GLRA3: variants seen among roughly 807,000 people sequenced by gnomAD.
GLRA3 encodes glycine receptor alpha 3.
GLRA3 carries 44 observed loss-of-function variants against 60.4 expected under a neutral mutation model. The ratio of observed to expected loss-of-function variants is 0.73; its 90% CI spans 0.57 to 0.94. The LOEUF is 0.94. GLRA3 is among the 40% of genes least tolerant of loss of function. The probability of loss-of-function intolerance (pLI) is 0.00; values close to 1 mark genes in which losing one functional copy is unlikely to be tolerated. For missense variants in GLRA3, 508 were observed against 564.6 expected, an observed-to-expected ratio of 0.90 and a Z score of 1.02; for synonymous variants, 223 against 192.9, an observed-to-expected ratio of 1.16 and a Z score of -1.29.
chr4:174,724,113 T>C (rs1323521096), intron 4 of GLRA3, among the ~76,000 whole-genome samples: 1 of 151,488 alleles, frequency 6.6e-6, no homozygotes, highest in Non-Finnish European at 1.5e-5. Context: ...ACAAAACATT[T>C]TTCTTGAACT....
intron 1 of GLRA3, among the ~76,000 whole-genome samples, chr4:174,789,775 C>G (rs1482695840): frequency 6.6e-6 from 1 of 152,148 alleles, no homozygotes. Context: ...TCTTTTTATC[C>G]ACAGAGTTTT....
chr4:174,664,138 G>A (rs370860790), intron 7 of GLRA3, among the ~76,000 whole-genome samples: 3 of 152,060 alleles, frequency 2.0e-5, no homozygotes, highest in African/African-American at 4.8e-5. Context: ...CCACCCCATC[G>A]GCTTTGTGGA....
At chr4:174,723,471 C>T (rs1579507911) in intron 4 of GLRA3, among the ~76,000 whole-genome samples, 2 of 152,032 alleles carry the variant, frequency 1.3e-5, no homozygotes, top group Non-Finnish European at 2.9e-5. Context: ...TGACTTTCTC[C>T]AACTCCAATA....
intron 5 of GLRA3, among the ~76,000 whole-genome samples, chr4:174,702,631 G>T (rs1339036059): frequency 1.3e-5 from 2 of 152,150 alleles, no homozygotes; most frequent in African/African-American, 4.8e-5. Context: ...GCAGTGCCGT[G>T]ATCATAGCTC....
chr4:174,760,347 T>C (rs1173453740), intron 3 of GLRA3, among the ~76,000 whole-genome samples: 1 of 152,108 alleles, frequency 6.6e-6, no homozygotes, highest in Non-Finnish European at 1.5e-5. Flanking sequence ...CAATAGGAAA[T>C]CTCATAAAAT....
In GLRA3 at chr4:174,642,789, T is replaced by C; in HGVS notation, c.*997A>G. ...GACCCATAAAACATTGATGGGAAAA[T>C]GGTTTTTATTAAAAAATCTTCCATG... On this transcript the variant is annotated 3_prime_UTR_variant, in exon 10 of 10. Coordinates refer to ENST00000274093, the MANE Select transcript of GLRA3 (RefSeq NM_006529.4). The C allele has an allele frequency of 2.5e-6, 2 of 800,314 alleles. No individual in the cohort carries two copies. Among genetic ancestry groups the C allele is most frequent in the Non-Finnish European group, 3.0e-6 (2 of 661,382 alleles). 49.6% of individuals were successfully genotyped at this position (800,314 alleles called of 1,614,324 possible). A position where few individuals can be genotyped will look rare whatever the true frequency, so the allele number is the denominator to read the frequency against.
At chr4:174,813,442 C>T (rs762331775) in intron 1 of GLRA3, among the ~76,000 whole-genome samples, 2 of 152,164 alleles carry the variant, frequency 1.3e-5, no homozygotes, top group Non-Finnish European at 2.9e-5. Context: ...TGAGGCTGGA[C>T]TGAATCCTCT....
chr4:174,675,040 C>T (rs1394457196), intron 7 of GLRA3, among the ~76,000 whole-genome samples: 4 of 152,102 alleles, frequency 2.6e-5, no homozygotes, highest in Admixed American at 2.6e-4. Flanking sequence ...ATTAATTATG[C>T]CAAACCTCCT....
chr4:174,737,096 T>A (rs950750584), intron 3 of GLRA3, among the ~76,000 whole-genome samples: 5 of 152,178 alleles, frequency 3.3e-5, no homozygotes, highest in East Asian at 1.9e-4. Context: ...GTGTTTTTTT[T>A]AAAATATCAT....
At position 174,642,355 on chromosome 4, in the gene GLRA3, G is replaced by A; in HGVS notation, c.*1431C>T. 1 of 975,542 alleles carries A rather than the reference G, an allele frequency of 1.0e-6. No individual in the cohort carries two copies. The highest frequency in any genetic ancestry group is 1.2e-6 in the Non-Finnish European group (1 of 821,246). The allele number at this position is 975,542 out of a possible 1,614,324, so 60.4% of individuals were successfully genotyped here. A position where few individuals can be genotyped will look rare whatever the true frequency, so the allele number is the denominator to read the frequency against. On this transcript the variant is annotated 3_prime_UTR_variant, in exon 10 of 10. Coordinates refer to ENST00000274093, the MANE Select transcript of GLRA3 (RefSeq NM_006529.4). ...TCTTAATCTTTAAAGTTTTCTCTGT[G>A]AATAATTTGGTGGACTGAGTTTGTG... is the stretch of plus-strand genomic sequence containing the variant.
Position 174,727,395 on chromosome 4 carries a change from T to A in GLRA3, c.491+1080A>T, listed in dbSNP as rs1736371133. Among the ~76,000 whole-genome samples, 4 of 152,246 alleles carry A rather than the reference T, an allele frequency of 2.6e-5. No homozygotes were observed. In the South Asian group the frequency reaches 8.3e-4, roughly 32 times the overall value. ...AAGATAAGAGAGAGATAAAACAGAA[T>A]GAATTAATTTTAAGCCTAAGACCTC... On this transcript the variant is annotated intron_variant, in intron 4 of 9. Transcript: ENST00000274093.
chr4:174,795,450 A>T (rs1292613596), intron 1 of GLRA3, among the ~76,000 whole-genome samples: 1 of 152,188 alleles, frequency 6.6e-6, no homozygotes. Context: ...AAATGCACAA[A>T]TATAATTTGA....
intron 7 of GLRA3, among the ~76,000 whole-genome samples, chr4:174,669,130 A>C: frequency 6.6e-6 from 1 of 152,092 alleles, no homozygotes; most frequent in East Asian, 1.9e-4. Context: ...TTCATTTTTA[A>C]AATACAAATT....
rs150967429 is a variant in GLRA3 at position 174,643,970 on chromosome 4, T to A, written c.1211A>T (p.Asn404Ile). 6.2e-7 allele frequency: 1 copy of A among 1,613,788 alleles called. No individual in the cohort carries two copies. The highest frequency in any genetic ancestry group is 2.2e-5 in the East Asian group (1 of 44,864). Reference sequence around the variant, plus strand: ...TTTTGGCATTACCTGGACAGGGTGGTTGGGGCCCTTTGGAGTCATGCCATC... The same window carrying A: ...TTTTGGCATTACCTGGACAGGGTGGATGGGGCCCTTTGGAGTCATGCCATC... ...AKDGMTPKGP[N>I]HPVQVMPKSP... The change falls in exon 10 of 10, where the codon AAC (asparagine) becomes ATC (isoleucine). Residue 404 changes from asparagine to isoleucine, a missense_variant. Coordinates refer to ENST00000274093, the MANE Select transcript of GLRA3 (RefSeq NM_006529.4).
At chr4:174,728,808 C>A (rs1164865974) in intron 3 of GLRA3, 110 bp from the exon 4 acceptor site, 16 of 642,202 alleles carry the variant, frequency 2.5e-5, no homozygotes, top group South Asian at 6.2e-5. Context: ...AGAAAATATA[C>A]CCCTCTTGGG....
chr4:174,788,125 T>C (rs1419432220), intron 2 of GLRA3, among the ~76,000 whole-genome samples: 1 of 152,084 alleles, frequency 6.6e-6, no homozygotes, highest in African/African-American at 2.4e-5. Context: ...GTTAAATAAG[T>C]TGGGATCTGG....
chr4:174,809,559 C>G (rs540130651), intron 1 of GLRA3, among the ~76,000 whole-genome samples: 1 of 151,944 alleles, frequency 6.6e-6, no homozygotes, highest in South Asian at 2.1e-4. Flanking sequence ...ATGGCGAAAC[C>G]CCATCTCTAC....
In GLRA3 at chr4:174,641,828, A is replaced by G. The variant is rs1732631571; in HGVS notation, c.*1958T>C. 6.6e-6 allele frequency: 1 copy of G among 152,048 alleles called. No individual in the cohort carries two copies. Among genetic ancestry groups the G allele is most frequent in the Non-Finnish European group, 1.5e-5 (1 of 67,912 alleles). 9.4% of individuals were successfully genotyped at this position (152,048 alleles called of 1,614,324 possible). ...AGAAAAACGTATTCAGGTATTTCAGAGACACATCGAGATGATGTAGTTTAT... is the reference window on the plus strand; with the variant it reads ...AGAAAAACGTATTCAGGTATTTCAGGGACACATCGAGATGATGTAGTTTAT... On this transcript the variant is annotated 3_prime_UTR_variant, in exon 10 of 10. Coordinates refer to ENST00000274093, the MANE Select transcript of GLRA3 (RefSeq NM_006529.4).
At chr4:174,683,846 T>C (rs1002555562) in intron 5 of GLRA3, among the ~76,000 whole-genome samples, 1 of 152,158 alleles carries the variant, frequency 6.6e-6, no homozygotes, top group South Asian at 2.1e-4. Context: ...GGAGAGGAAA[T>C]AGAAATTGAT....
Sources: allele counts gnomAD v4.1 joint callset (sites outside exome capture counted in the v4.1 genomes callset), GRCh38; gene constraint gnomAD v4.1.1; transcripts MANE v1.5; gene names NCBI Gene and HGNC (gene_info 2026-07-23, HGNC 2026-07-21).